PREX2: variants seen among roughly 807,000 people sequenced by gnomAD.
PREX2 encodes phosphatidylinositol-3,4,5-trisphosphate dependent Rac exchange factor 2, also known as phosphatidylinositol 3,4,5-trisphosphate-dependent Rac exchanger 2 protein.
Under a neutral mutation model 203.2 loss-of-function variants are expected in PREX2, and 107 were observed. The ratio of observed to expected loss-of-function variants is 0.53; its 90% confidence interval spans 0.45 to 0.62. The LOEUF is 0.62. Among genes scored for constraint, PREX2 ranks in the 20% least tolerant of loss-of-function variants. The pLI is 0.00. For missense variants in PREX2, 1,777 were observed against 1,955.9 expected, an observed-to-expected ratio of 0.91 and a Z score of 1.72; for synonymous variants, 672 against 663.6, an observed-to-expected ratio of 1.01 and a Z score of -0.19.
At chr8:68,001,723 A>G (rs1585694455) in intron 1 of PREX2, among the ~76,000 whole-genome samples, 1 of 152,256 alleles carries the variant, frequency 6.6e-6, no homozygotes, top group East Asian at 1.9e-4. Flanking sequence ...GACTGGATAA[A>G]GAAAATGTAG....
At chr8:68,099,608 C>A in intron 22 of PREX2, 74 bp from the exon 23 acceptor site, 3 of 1,384,878 alleles carry the variant, frequency 2.2e-6, no homozygotes, top group Non-Finnish European at 3.0e-6. Context: ...CTTCTTGTTT[C>A]GTTTTGTTTT....
chr8:68,164,127 T>G (rs933160783), intron 35 of PREX2, among the ~76,000 whole-genome samples: 1 of 152,160 alleles, frequency 6.6e-6, no homozygotes, highest in Non-Finnish European at 1.5e-5. Context: ...TTAAACAGTC[T>G]GAGTCATTAG....
chr8:68,233,752 C>A lies in PREX2; in HGVS notation c.*2374C>A, dbSNP rs533812086. 6.6e-6 allele frequency: 1 copy of A among 152,164 alleles called. No homozygotes were observed. The allele number at this position is 152,164 out of a possible 1,614,324, so 9.4% of individuals were successfully genotyped here. On this transcript the variant is annotated 3_prime_UTR_variant, in exon 40 of 40. Transcript: ENST00000288368. ...GTTGAGGAACCAAAGCAAAGAATAACCCAGTGACTTGCACAAAGTCACATG... is the reference window on the plus strand; with the variant it reads ...GTTGAGGAACCAAAGCAAAGAATAAACCAGTGACTTGCACAAAGTCACATG...
intron 6 of PREX2, among the ~76,000 whole-genome samples, chr8:68,033,803 A>G (rs1196100245): frequency 6.6e-6 from 1 of 152,192 alleles, no homozygotes; most frequent in East Asian, 1.9e-4. Flanking sequence ...CTGATTCTCC[A>G]TTGTATGCGT....
chr8:68,203,194 T>C (rs1312737146), intron 37 of PREX2, among the ~76,000 whole-genome samples: 1 of 152,188 alleles, frequency 6.6e-6, no homozygotes, highest in Non-Finnish European at 1.5e-5. Flanking sequence ...AAAGAATTAG[T>C]GCTTTACCAG....
rs1810105476 is a variant in PREX2 at position 68,097,118 on chromosome 8, G to A, written c.2470G>A (p.Glu824Lys). The change falls in exon 22 of 40, where the codon GAG (glutamate) becomes AAG (lysine). Residue 824 changes from glutamate to lysine, a missense_variant. Transcript: ENST00000288368. ...CCACCTGGAATATGGTGTCGTGTAT[G>A]AGTACGACAGCACAGCTGGCATCAA... ...NVHLEYGVVY[E>K]YDSTAGIKCN... 6.2e-7 allele frequency: 1 copy of A among 1,613,630 alleles called. No homozygotes were observed. The highest frequency in any genetic ancestry group is 2.2e-5 in the East Asian group (1 of 44,858).
chr8:68,093,746 A>C, intron 21 of PREX2, 24 bp downstream of exon 21: 1 of 1,247,296 alleles, frequency 8.0e-7, no homozygotes, highest in Non-Finnish European at 1.2e-6. Flanking sequence ...TTTCTTCTTC[A>C]TGTGCTTATA....
At chr8:68,055,153 C>T (rs542018590) in intron 9 of PREX2, among the ~76,000 whole-genome samples, 1 of 152,172 alleles carries the variant, frequency 6.6e-6, no homozygotes, top group African/African-American at 2.4e-5. Context: ...TTCTTTCCTG[C>T]ACTACCCTAC....
At chr8:68,156,757 A>T (rs1218411103) in intron 34 of PREX2, among the ~76,000 whole-genome samples, 1 of 152,180 alleles carries the variant, frequency 6.6e-6, no homozygotes, top group Admixed American at 6.5e-5. Flanking sequence ...GTGACCAGGA[A>T]AGCACCATAA....
intron 35 of PREX2, among the ~76,000 whole-genome samples, chr8:68,184,745 A>G (rs1812155523): frequency 6.6e-6 from 1 of 152,062 alleles, no homozygotes; most frequent in African/African-American, 2.4e-5. Context: ...CCATCATGCC[A>G]AGAAACGGGG....
intron 1 of PREX2, among the ~76,000 whole-genome samples, chr8:67,972,139 A>G (rs1189432756): frequency 1.3e-5 from 2 of 152,246 alleles, no homozygotes; most frequent in African/African-American, 4.8e-5. Context: ...GTCTAAAGAT[A>G]TAATTAAAGT....
At chr8:68,069,766 C>T in intron 12 of PREX2, 69 bp from the exon 13 acceptor site, 1 of 713,370 alleles carries the variant, frequency 1.4e-6, no homozygotes, top group Non-Finnish European at 2.3e-6. Context: ...TAATTTGTTA[C>T]TTCAAAATTT....
At chr8:68,038,398 CTG>C (rs1808098710) in intron 7 of PREX2, 106 bp downstream of exon 7, 3 of 1,168,542 alleles carry the variant, frequency 2.6e-6, no homozygotes, top group Non-Finnish European at 3.6e-6. Context: ...ACCTTTCTCT[CTG>C]TGCTTCCCAG....
intron 37 of PREX2, among the ~76,000 whole-genome samples, chr8:68,214,861 A>T (rs1446947337): frequency 6.6e-6 from 1 of 152,166 alleles, no homozygotes. Context: ...TCCCACCTTT[A>T]TGTGATTGCC....
chr8:68,099,947 C>A (rs2129612580), intron 23 of PREX2, 104 bp downstream of exon 23: 1 of 1,019,980 alleles, frequency 9.8e-7, no homozygotes, highest in Non-Finnish European at 1.5e-6. Context: ...TGTTAGGTAC[C>A]ATTTTACTGA....
chr8:68,128,645 G>A (rs114735802), intron 31 of PREX2, among the ~76,000 whole-genome samples: 3,104 of 152,224 alleles, frequency 0.02, 112 homozygotes, highest in African/African-American at 0.07. Flanking sequence ...GCCTGTTCTT[G>A]TTCACATGGT....
intron 35 of PREX2, among the ~76,000 whole-genome samples, chr8:68,190,069 T>C (rs1320348610): frequency 6.6e-6 from 1 of 152,192 alleles, no homozygotes; most frequent in Non-Finnish European, 1.5e-5. Context: ...TGAACACATA[T>C]GTTCAGTGGG....
chr8:68,115,725 T>C, intron 25 of PREX2, 28 bp from the exon 26 acceptor site: 4 of 1,551,514 alleles, frequency 2.6e-6, no homozygotes, highest in Non-Finnish European at 3.5e-6. Flanking sequence ...TTTGAAAATG[T>C]GCATTTTTTT....
intron 37 of PREX2, among the ~76,000 whole-genome samples, chr8:68,194,131 A>T (rs148885305): frequency 6.6e-6 from 1 of 152,328 alleles, no homozygotes; most frequent in East Asian, 1.9e-4. Flanking sequence ...TGATAAGCTT[A>T]TGTTCATATG....
Sources: allele counts gnomAD v4.1 joint callset (sites outside exome capture counted in the v4.1 genomes callset), GRCh38; gene constraint gnomAD v4.1.1; transcripts MANE v1.5; gene names NCBI Gene and HGNC (gene_info 2026-07-23, HGNC 2026-07-21).